KIF13B: variants seen among roughly 807,000 people sequenced by gnomAD.
KIF13B encodes kinesin family member 13B.
A neutral mutation model predicts 222.0 loss-of-function variants in KIF13B; 127 were observed. The ratio of observed to expected loss-of-function variants is 0.57; its 90% CI spans 0.50 to 0.66. The LOEUF (loss-of-function observed/expected upper bound fraction) is 0.66. Among genes scored for constraint, KIF13B ranks in the 30% least tolerant of loss-of-function variants. The pLI, the probability that KIF13B is intolerant of heterozygous loss-of-function variation, is 0.00. For synonymous variants in KIF13B, 976 were observed against 919.0 expected (o/e 1.06, Z -1.12); for missense variants, 2,173 against 2,379.0 (o/e 0.91, Z 1.80).
At chr8:29,103,839 C>T (rs1476621850) in intron 35 of KIF13B, among the ~76,000 whole-genome samples, 2 of 152,066 alleles carry the variant, frequency 1.3e-5, no homozygotes, top group African/African-American at 4.8e-5. Flanking sequence ...GAACCAAGAA[C>T]GAAAAGTAGG....
chr8:29,167,217 CCTTT>C (rs1318527896), intron 11 of KIF13B, among the ~76,000 whole-genome samples, 152 bp downstream of exon 11: 2 of 152,198 alleles, frequency 1.3e-5, no homozygotes, highest in Admixed American at 6.5e-5. Flanking sequence ...TGACAACCTT[CCTTT>C]ATTTATTACT....
At chr8:29,104,707 T>C (rs929967070) in intron 35 of KIF13B, among the ~76,000 whole-genome samples, 4 of 152,126 alleles carry the variant, frequency 2.6e-5, no homozygotes, top group Non-Finnish European at 5.9e-5. Context: ...CCCGCCTCTC[T>C]GGGTTCTGCC....
intron 2 of KIF13B, among the ~76,000 whole-genome samples, chr8:29,227,665 C>G (rs1815084220): frequency 6.6e-6 from 1 of 152,126 alleles, no homozygotes; most frequent in Non-Finnish European, 1.5e-5. Flanking sequence ...ATTTCTGCTC[C>G]AGGCTGGCAG....
chr8:29,151,028 C>T (rs1323861453), intron 14 of KIF13B, among the ~76,000 whole-genome samples: 1 of 152,122 alleles, frequency 6.6e-6, no homozygotes, highest in Admixed American at 6.5e-5. Context: ...AACAGTTGGC[C>T]AAGCTGTGAG....
At chr8:29,162,643 A>G (rs1811830563) in intron 12 of KIF13B, among the ~76,000 whole-genome samples, 1 of 152,222 alleles carries the variant, frequency 6.6e-6, no homozygotes, top group Non-Finnish European at 1.5e-5. Context: ...CTATAATGGT[A>G]AAAACGCTAC....
At chr8:29,209,367 A>G (rs1400184689) in intron 2 of KIF13B, among the ~76,000 whole-genome samples, 1 of 152,140 alleles carries the variant, frequency 6.6e-6, no homozygotes, top group African/African-American at 2.4e-5. Context: ...TCTGCAGCTC[A>G]CACAGCCATC....
At position 29,180,137 on chromosome 8, in the gene KIF13B, G is replaced by C. The variant is rs202003912; in HGVS notation, c.687C>G (p.Thr229=). 151 of 1,613,836 alleles carry C rather than the reference G, an allele frequency of 9.4e-5. 3 individuals are homozygous for C. The highest frequency in any genetic ancestry group is 1.1e-4 in the Non-Finnish European group (124 of 1,179,888). ...SSRSHAVFKI[T]LTHTLYDVKS... ...TCACATCGTAGAGAGTATGTGTGAG[G>C]GTGATTTTGAAAACTGCATGGGATC... Residue 229 remains threonine (T), a synonymous_variant, in exon 8 of 40, where the codon ACC becomes ACG. Transcript: ENST00000524189.
chr8:29,196,242 G>T, intron 2 of KIF13B, 43 bp from the exon 3 acceptor site: 5 of 1,240,930 alleles, frequency 4.0e-6, no homozygotes, highest in African/African-American at 2.2e-5. Flanking sequence ...TGAAAGAAAA[G>T]TTAAAAAAAA....
intron 2 of KIF13B, among the ~76,000 whole-genome samples, chr8:29,223,164 C>CAAAAAAAAA (rs375009923): frequency 3.3e-4 from 37 of 113,064 alleles, no homozygotes; most frequent in Non-Finnish European, 5.7e-4. Flanking sequence ...CAAAAAAATA[C>CAAAAAAAAA]AAAAAAAAAA....
intron 2 of KIF13B, among the ~76,000 whole-genome samples, chr8:29,220,195 G>A (rs1226425941): frequency 6.6e-6 from 1 of 152,160 alleles, no homozygotes; most frequent in Non-Finnish European, 1.5e-5. Flanking sequence ...GTAAGGCTAC[G>A]TGAGACTTGT....
intron 22 of KIF13B, among the ~76,000 whole-genome samples, chr8:29,132,964 T>A (rs535825915): frequency 1.9e-3 from 288 of 152,378 alleles, no homozygotes; most frequent in Middle Eastern, 6.8e-3. Flanking sequence ...TCCATCTTTA[T>A]AAGATAGCAT....
intron 35 of KIF13B, among the ~76,000 whole-genome samples, chr8:29,105,375 C>T (rs554023836): frequency 1.2e-4 from 18 of 152,300 alleles, no homozygotes; most frequent in African/African-American, 4.3e-4. Context: ...CACAGTGTTC[C>T]TTCAGCTCCT....
chr8:29,219,958 G>A (rs1056112102), intron 2 of KIF13B, among the ~76,000 whole-genome samples: 1 of 151,914 alleles, frequency 6.6e-6, no homozygotes, highest in African/African-American at 2.4e-5. Context: ...CAGCTACCTG[G>A]GAGGCTGAGG....
Position 29,176,920 on chromosome 8 carries a change from T to C in KIF13B, c.833+546A>G, listed in dbSNP as rs1436249163. 2.0e-5 allele frequency among the ~76,000 whole-genome samples: 3 copies of C among 152,198 alleles called. No homozygotes were observed. In the East Asian group the frequency reaches 5.8e-4, roughly 29 times the overall value. On this transcript the variant is annotated intron_variant, in intron 9 of 39. Coordinates refer to ENST00000524189, the MANE Select transcript of KIF13B (RefSeq NM_015254.4). ...TTAGCTTCTTGGACTTGGACAAGCATGACAGTGTTTAGTAAAGGAAAAGCT... is the reference window on the plus strand; with the variant it reads ...TTAGCTTCTTGGACTTGGACAAGCACGACAGTGTTTAGTAAAGGAAAAGCT...
chr8:29,159,553 G>C, intron 13 of KIF13B, among the ~76,000 whole-genome samples: 1 of 152,174 alleles, frequency 6.6e-6, no homozygotes. Flanking sequence ...TTTGTATAGT[G>C]CTTCTGTTTA....
intron 6 of KIF13B, among the ~76,000 whole-genome samples, chr8:29,185,037 C>T (rs911622076): frequency 3.3e-5 from 5 of 152,056 alleles, no homozygotes; most frequent in African/African-American, 1.2e-4. Flanking sequence ...ACAATCTTGG[C>T]TCACTGAAGC....
chr8:29,109,788 A>G (rs930047880), intron 33 of KIF13B, 130 bp downstream of exon 33: 1 of 906,452 alleles, frequency 1.1e-6, no homozygotes, highest in Admixed American at 2.8e-5. Context: ...ATCACTCTGG[A>G]TTATTCAAAG....
rs1452093619 is a variant in KIF13B, at chr8:29,068,545, T to TC, written c.*1958dup. On this transcript the variant is annotated 3_prime_UTR_variant, in exon 40 of 40. Coordinates refer to ENST00000524189, the MANE Select transcript of KIF13B (RefSeq NM_015254.4). This position sits in a 1 kb window ranked among gnomAD's most constrained non-coding sequence, Gnocchi z 4.4. ...GATGGTAAAAAGCACGACACACACG[T>TC]CCCCCAGGACTTTCCCAAGATGGTG... 4 of 152,174 alleles carry TC rather than the reference T, an allele frequency of 2.6e-5. No individual in the cohort carries two copies. The highest frequency in any genetic ancestry group is 6.5e-5 in the Admixed American group (1 of 15,288). 9.4% of individuals were successfully genotyped at this position (152,174 alleles called of 1,614,324 possible).
chr8:29,123,328 G>A (rs1381611195), intron 28 of KIF13B, 38 bp downstream of exon 28: 2 of 1,605,212 alleles, frequency 1.2e-6, no homozygotes, highest in South Asian at 1.1e-5. Context: ...GGCTTGGTGA[G>A]CGTTCAGACC....
Sources: allele counts gnomAD v4.1 joint callset (sites outside exome capture counted in the v4.1 genomes callset), GRCh38; gene constraint gnomAD v4.1.1; non-coding constraint Gnocchi (gnomAD v3.1); transcripts MANE v1.5; gene names NCBI Gene and HGNC (gene_info 2026-07-23, HGNC 2026-07-21).